Variants in SNTB2 observed in about 807,000 individuals in gnomAD.
SNTB2 encodes the protein syntrophin beta 2, also known as beta-2-syntrophin.
A neutral mutation model predicts 46.2 loss-of-function variants in SNTB2; 34 were observed. The observed-to-expected ratio is 0.74, with a 90% CI of 0.56 to 0.98. SNTB2 has a LOEUF of 0.98. SNTB2 is among the 50% of genes least tolerant of loss of function. The pLI, the probability that SNTB2 is intolerant of heterozygous loss-of-function variation, is 0.00. For missense variants in SNTB2, 603 were observed against 731.4 expected (o/e 0.82, Z 2.02); for synonymous variants, 290 against 312.6 (o/e 0.93, Z 0.76).
At chr16:69,210,791 C>T (rs970055073) in intron 1 of SNTB2, among the ~76,000 whole-genome samples, 1 of 152,054 alleles carries the variant, frequency 6.6e-6, no homozygotes, top group Non-Finnish European at 1.5e-5. Flanking sequence ...TCAGGAGTTC[C>T]AGACTAGCAT....
intron 5 of SNTB2, among the ~76,000 whole-genome samples, chr16:69,291,927 A>G (rs1250378277): frequency 2.0e-5 from 3 of 151,114 alleles, no homozygotes; most frequent in Admixed American, 6.6e-5. Context: ...TGTCTTAAAA[A>G]TAAATAAATA....
intron 1 of SNTB2, among the ~76,000 whole-genome samples, chr16:69,209,670 TTA>T (rs774705666): frequency 6.6e-6 from 1 of 152,244 alleles, no homozygotes; most frequent in East Asian, 1.9e-4. Context: ...TAGCTATATT[TTA>T]TATGTTTTTA....
chr16:69,194,931 CATTAT>C (rs1308830128), intron 1 of SNTB2, among the ~76,000 whole-genome samples: 3 of 152,138 alleles, frequency 2.0e-5, no homozygotes, highest in Non-Finnish European at 4.4e-5. Context: ...GATTTAGAAA[CATTAT>C]AGACAGCTGT....
intron 2 of SNTB2, among the ~76,000 whole-genome samples, chr16:69,254,205 T>C (rs1291695298): frequency 6.6e-6 from 1 of 151,982 alleles, no homozygotes; most frequent in Non-Finnish European, 1.5e-5. Context: ...AGAATGAGGG[T>C]GGGGCAGTCA....
chr16:69,299,711 G>T lies in SNTB2; in HGVS notation c.1467G>T (p.Lys489Asn), dbSNP rs1965261394. The change falls in exon 6 of 7, where the codon AAG (lysine) becomes AAT (asparagine). Residue 489 changes from lysine (K) to asparagine (N), a missense_variant. Around this residue, in one of 2 missense-constraint regions of SNTB2, gnomAD observed 537 missense variants for 692.4 expected, o/e 0.78. Coordinates refer to ENST00000336278, the MANE Select transcript of SNTB2 (RefSeq NM_006750.4). ...ILYRYPFERL[K>N]MSADDGIRNL... ...ACCGCTACCCCTTTGAAAGGCTGAAGATGTCTGCTGATGATGGCATCCGAA... is the reference window on the plus strand; with the variant it reads ...ACCGCTACCCCTTTGAAAGGCTGAATATGTCTGCTGATGATGGCATCCGAA... The T allele has an allele frequency of 6.2e-7, 1 of 1,614,130 alleles. No individual in the cohort carries two copies. Among genetic ancestry groups the T allele is most frequent in the Non-Finnish European group, 8.5e-7 (1 of 1,180,020 alleles).
chr16:69,235,716 A>G, intron 1 of SNTB2: 1 of 1,287,974 alleles, frequency 7.8e-7, no homozygotes, highest in South Asian at 1.2e-5. Context: ...GGCTAACAAC[A>G]TAGTACCAGG....
intron 1 of SNTB2, among the ~76,000 whole-genome samples, chr16:69,221,216 C>A (rs964438657): frequency 3.9e-5 from 6 of 152,218 alleles, no homozygotes; most frequent in African/African-American, 1.2e-4. Context: ...TTCACACTTA[C>A]ATACTCCATT....
intron 1 of SNTB2, among the ~76,000 whole-genome samples, chr16:69,197,736 A>G (rs552693476): frequency 1.3e-5 from 2 of 152,184 alleles, no homozygotes; most frequent in Non-Finnish European, 2.9e-5. Context: ...TGAACACTAA[A>G]TGTCTTTGAT....
At chr16:69,295,920 G>A (rs16958718) in intron 5 of SNTB2, among the ~76,000 whole-genome samples, 2,783 of 152,236 alleles carry the variant, frequency 0.018, 84 homozygotes, top group African/African-American at 0.063. Context: ...TAATTGGTTC[G>A]ATTTGGCACA....
In SNTB2 at chr16:69,283,904, G is replaced by C. The variant is rs12325242; in HGVS notation, c.1149-144G>C. The C allele has an allele frequency of 0.24, 164,166 of 680,562 alleles. 21,805 individuals are homozygous for C. The highest frequency in any genetic ancestry group is 0.39 in the African/African-American group (21,698 of 55,896). 42.2% of individuals were successfully genotyped at this position (680,562 alleles called of 1,614,324 possible). On this transcript the variant is annotated intron_variant, in intron 4 of 6. Transcript: ENST00000336278. ...GGAAAACAGAATGGTCTGTATTTCA[G>C]AGACTATAATCTTGCTTTGAAATGT...
chr16:69,249,671 ACCTTCCTTTTCAGTAAATGATCAGT>A (rs1364532976), intron 2 of SNTB2, among the ~76,000 whole-genome samples: 3 of 152,096 alleles, frequency 2.0e-5, no homozygotes, highest in African/African-American at 7.2e-5. Flanking sequence ...GTACCATTAT[ACCTTCCTTTTCAGTAAATGATCAGT>A]CTACTCGACC....
At chr16:69,289,289 A>AG (rs1965136804) in intron 5 of SNTB2, among the ~76,000 whole-genome samples, 1 of 151,326 alleles carries the variant, frequency 6.6e-6, no homozygotes, top group South Asian at 2.1e-4. Flanking sequence ...AAAAAAAAAA[A>AG]TGTTGATCTC....
chr16:69,278,792 C>A (rs1241173620), intron 4 of SNTB2, among the ~76,000 whole-genome samples: 3 of 152,024 alleles, frequency 2.0e-5, no homozygotes, highest in Non-Finnish European at 2.9e-5. Context: ...AGAAGCCTTA[C>A]CATCTTTTTG....
Position 69,284,069 on chromosome 16 carries a change from A to G in SNTB2, c.1170A>G (p.Gly390=), listed in dbSNP as rs149372825. ...CTAGGTTGGTTCATTCTGGCTCCGG[A>G]TGTCGATCCCCCTCCCTTGGATCTG... ...VATRLVHSGS[G]CRSPSLGSDL... The change falls in exon 5 of 7, where the codon GGA becomes GGG. Residue 390 remains glycine, a synonymous_variant. Coordinates refer to ENST00000336278, the MANE Select transcript of SNTB2 (RefSeq NM_006750.4). 6.2e-7 allele frequency: 1 copy of G among 1,612,638 alleles called. No individual in the cohort carries two copies. Among genetic ancestry groups the G allele is most frequent in the East Asian group, 2.2e-5 (1 of 44,844 alleles).
rs930499965 is a variant in SNTB2 at position 69,207,093 on chromosome 16, T to C, written c.580+19347T>C. Among the ~76,000 whole-genome samples, 32 of 151,528 alleles carry C rather than the reference T, an allele frequency of 2.1e-4. 1 individual carries two copies. Among genetic ancestry groups the C allele is most frequent in the Non-Finnish European group, 2.9e-5 (2 of 67,914 alleles). ...CTTGCATTTTTATTCTTTCAAAATA[T>C]GAAAGGAATTCTTAGAGGCTTTAAA... On this transcript the variant is annotated intron_variant, in intron 1 of 6. Coordinates refer to ENST00000336278, the MANE Select transcript of SNTB2 (RefSeq NM_006750.4).
chr16:69,257,603 G>A (rs1344541884), intron 2 of SNTB2, among the ~76,000 whole-genome samples: 1 of 151,788 alleles, frequency 6.6e-6, no homozygotes, highest in African/African-American at 2.4e-5. Flanking sequence ...CCACCACCAC[G>A]CCCGGCTAAT....
chr16:69,249,707 A>G (rs1433700000), intron 2 of SNTB2, among the ~76,000 whole-genome samples: 1 of 152,206 alleles, frequency 6.6e-6, no homozygotes, highest in Non-Finnish European at 1.5e-5. Flanking sequence ...CTACTCGACC[A>G]TGGCATGCCA....
In SNTB2 at chr16:69,284,125, G is replaced by A. The variant is rs1965077353; in HGVS notation, c.1226G>A (p.Arg409Gln). ...ACATTTGCTACCAGGACAGGCTCTCGACAGGGCATTGAGATGCATCTCTTC... is the reference window on the plus strand; with the variant it reads ...ACATTTGCTACCAGGACAGGCTCTCAACAGGGCATTGAGATGCATCTCTTC... ...DLTFATRTGS[R>Q]QGIEMHLFRV... Residue 409 changes from arginine (R) to glutamine (Q), a missense_variant, in exon 5 of 7, where the codon CGA becomes CAA. Transcript: ENST00000336278. 3.7e-6 allele frequency: 6 copies of A among 1,613,852 alleles called. No homozygotes were observed. Among genetic ancestry groups the A allele is most frequent in the Middle Eastern group, 3.3e-4 (2 of 6,084 alleles).
At chr16:69,265,112 G>T (rs962153518) in intron 3 of SNTB2, among the ~76,000 whole-genome samples, 12 of 152,084 alleles carry the variant, frequency 7.9e-5, no homozygotes, top group Non-Finnish European at 1.2e-4. Context: ...AGCTGGGTGT[G>T]GTGGCGGGCG....
Sources: allele counts gnomAD v4.1 joint callset (sites outside exome capture counted in the v4.1 genomes callset), GRCh38; gene constraint gnomAD v4.1.1; regional missense constraint gnomAD v4.1.1; transcripts MANE v1.5; gene names NCBI Gene and HGNC (gene_info 2026-07-23, HGNC 2026-07-21).